The following PITPNM2 variants were observed in gnomAD, a reference collection of about 807,000 sequenced individuals.
PITPNM2 encodes membrane-associated phosphatidylinositol transfer protein 2.
PITPNM2 carries 35 observed loss-of-function variants against 132.2 expected under a neutral mutation model. The observed-to-expected ratio is 0.26, with a 90% CI of 0.20 to 0.35. The LOEUF (loss-of-function observed/expected upper bound fraction) is 0.35, where lower values mean the gene tolerates loss of function less well. Among genes scored for constraint, PITPNM2 ranks in the 10% least tolerant of loss-of-function variants. The probability of loss-of-function intolerance (pLI) is 1.00; values close to 1 mark genes in which losing one functional copy is unlikely to be tolerated. For missense variants in PITPNM2, 1,332 were observed against 1,912.0 expected (o/e 0.70, Z 5.66); for synonymous variants, 738 against 799.2 (o/e 0.92, Z 1.29).
chr12:123,104,140 A>C (rs980801621), intron 2 of PITPNM2, among the ~76,000 whole-genome samples: 1 of 152,158 alleles, frequency 6.6e-6, no homozygotes, highest in Admixed American at 6.5e-5. Context: ...ATCAGGCTGA[A>C]GCCTGGTCTC....
intron 2 of PITPNM2, among the ~76,000 whole-genome samples, chr12:123,062,433 G>A (rs1368581107): frequency 6.6e-6 from 1 of 152,144 alleles, no homozygotes; most frequent in African/African-American, 2.4e-5. Context: ...AATCCTGGAG[G>A]TGCCTGTGGA....
chr12:123,123,069 C>G (rs999996223), intron 1 of PITPNM2, among the ~76,000 whole-genome samples: 5 of 152,156 alleles, frequency 3.3e-5, no homozygotes, highest in African/African-American at 9.7e-5. Context: ...GCATGAAAAC[C>G]TACTTATTGA....
At chr12:123,038,505 C>T (rs1339381456) in intron 2 of PITPNM2, among the ~76,000 whole-genome samples, 2 of 152,198 alleles carry the variant, frequency 1.3e-5, no homozygotes, top group African/African-American at 4.8e-5. Context: ...CCATGAGTGT[C>T]ATGAAAACAA....
intron 13 of PITPNM2, among the ~76,000 whole-genome samples, 155 bp downstream of exon 13, chr12:122,996,303 G>A (rs974239500): frequency 6.6e-6 from 1 of 152,194 alleles, no homozygotes; most frequent in Admixed American, 6.5e-5. Flanking sequence ...GCTTAACTGG[G>A]TAGAGTCCAA....
At chr12:123,102,699 T>G (rs1399971578) in intron 2 of PITPNM2, among the ~76,000 whole-genome samples, 1 of 152,176 alleles carries the variant, frequency 6.6e-6, no homozygotes, top group Non-Finnish European at 1.5e-5. Flanking sequence ...AAGCTTGTCA[T>G]TAGAGCAGCC....
chr12:123,072,101 G>A (rs888534156), intron 2 of PITPNM2, among the ~76,000 whole-genome samples: 19 of 152,190 alleles, frequency 1.2e-4, no homozygotes, highest in East Asian at 1.9e-4. Context: ...GTGTGCCCAC[G>A]CCTAGAAAGC....
chr12:123,072,973 G>T (rs2041659689), intron 2 of PITPNM2, among the ~76,000 whole-genome samples: 1 of 152,220 alleles, frequency 6.6e-6, no homozygotes, highest in Non-Finnish European at 1.5e-5. Context: ...GGTGTTTAGG[G>T]AGAGCCCTGC....
chr12:122,997,178 G>T, intron 11 of PITPNM2, 147 bp downstream of exon 11: 1 of 1,259,364 alleles, frequency 7.9e-7, no homozygotes, highest in Non-Finnish European at 1.1e-6. Flanking sequence ...GCGTGTATAC[G>T]TTTGGGCACC....
At chr12:123,138,358 G>A (rs1479037342) in intron 1 of PITPNM2, among the ~76,000 whole-genome samples, 2 of 152,200 alleles carry the variant, frequency 1.3e-5, no homozygotes, top group East Asian at 1.9e-4. Context: ...TGAGGCAAGA[G>A]GATCACTTGA....
chr12:123,059,135 C>T (rs531689737), intron 2 of PITPNM2, among the ~76,000 whole-genome samples: 2 of 152,314 alleles, frequency 1.3e-5, no homozygotes, highest in East Asian at 3.9e-4. Flanking sequence ...GAAGGCCAAC[C>T]AAGGATATCA....
chr12:123,051,864 C>A (rs1237323794), intron 2 of PITPNM2, among the ~76,000 whole-genome samples: 2 of 151,568 alleles, frequency 1.3e-5, no homozygotes, highest in Non-Finnish European at 1.5e-5. Flanking sequence ...TTAGTGGGAA[C>A]CAGCAGGTCA....
At chr12:123,149,904 C>T (rs1341247963) in intron 1 of PITPNM2, 2 of 152,244 alleles carry the variant, frequency 1.3e-5, no homozygotes, top group Admixed American at 6.6e-5. Context: ...AATCCCGACT[C>T]TGGGTGGGGG....
chr12:122,990,790 G>A lies in PITPNM2; in HGVS notation c.2405-81C>T. On this transcript the variant is annotated intron_variant, in intron 16 of 25. Coordinates refer to ENST00000320201, the MANE Select transcript of PITPNM2 (RefSeq NM_020845.3). ...GCAGTGGGGAAGCCAGTGTGCCAGG[G>A]TCCAGTGTGCACCTAGACTGGAGGC... is the stretch of plus-strand genomic sequence containing the variant. 6 of 1,434,800 alleles carry A rather than the reference G, an allele frequency of 4.2e-6. No homozygotes were observed. In the South Asian group the frequency reaches 6.7e-5, roughly 16 times the overall value. The allele number at this position is 1,434,800 out of a possible 1,614,324, so 88.9% of individuals were successfully genotyped here.
chr12:123,005,638 T>A lies in PITPNM2; in HGVS notation c.644-90A>T. ...GGAAGTGTGGGGCCCAGGCAGGGGC[T>A]TTGGGAGGCTGTACCCATGTTGCAG... is the stretch of plus-strand genomic sequence containing the variant. On this transcript the variant is annotated intron_variant, in intron 6 of 25. Transcript: ENST00000320201. This position sits in a 1 kb window ranked among gnomAD's most constrained non-coding sequence, Gnocchi z 6.2. 7.6e-7 allele frequency: 1 copy of A among 1,313,616 alleles called. No homozygotes were observed. Among genetic ancestry groups the A allele is most frequent in the Non-Finnish European group, 1.1e-6 (1 of 950,082 alleles). The allele number at this position is 1,313,616 out of a possible 1,614,324, so 81.4% of individuals were successfully genotyped here. A position where few individuals can be genotyped will look rare whatever the true frequency, so the allele number is the denominator to read the frequency against.
intron 1 of PITPNM2, among the ~76,000 whole-genome samples, chr12:123,123,583 C>A (rs1450357845): frequency 2.0e-5 from 3 of 151,916 alleles, no homozygotes; most frequent in Admixed American, 6.6e-5. Flanking sequence ...TGCTCTCTAG[C>A]CTGGGTAACA....
intron 3 of PITPNM2, chr12:123,021,541 C>G: frequency 1.6e-6 from 1 of 615,194 alleles, no homozygotes; most frequent in Non-Finnish European, 2.0e-6. Flanking sequence ...TCTCAAAATG[C>G]TGGGATTACA....
rs2039103496 is a variant in PITPNM2, at chr12:123,009,777, C to T, written c.643+73G>A. 2.2e-6 allele frequency: 3 copies of T among 1,370,332 alleles called. No homozygotes were observed. Among genetic ancestry groups the T allele is most frequent in the Non-Finnish European group, 3.1e-6 (3 of 964,586 alleles). The allele number at this position is 1,370,332 out of a possible 1,614,324, so 84.9% of individuals were successfully genotyped here. A position where few individuals can be genotyped will look rare whatever the true frequency, so the allele number is the denominator to read the frequency against. On this transcript the variant is annotated intron_variant, in intron 6 of 25. Transcript: ENST00000320201. This position sits in a 1 kb window ranked among gnomAD's most constrained non-coding sequence, Gnocchi z 4.8. ...CAGGCAGACATGCAAAGAGAGGAGGCAGACAGGCAGGTGACAGGAGACAGA... is the reference window on the plus strand; with the variant it reads ...CAGGCAGACATGCAAAGAGAGGAGGTAGACAGGCAGGTGACAGGAGACAGA...
chr12:123,144,294 C>T (rs1359301974), intron 1 of PITPNM2, among the ~76,000 whole-genome samples: 1 of 152,190 alleles, frequency 6.6e-6, no homozygotes, highest in Non-Finnish European at 1.5e-5. Flanking sequence ...GAGGTGCAGT[C>T]TAGTTCTTGG....
chr12:122,992,681 G>C lies in PITPNM2; in HGVS notation c.2234-12C>G. The stretch of plus-strand genomic sequence containing the variant: ...CCGCAGCTGGAAAACTGGGGGTGGG[G>C]GTGTTGGCTGCAGAGCTGGGGCTGG... On this transcript the variant is annotated splice_polypyrimidine_tract_variant and intron_variant, in intron 15 of 25. Transcript: ENST00000320201. The surrounding 1 kb of genome is among the most constrained non-coding windows in gnomAD (Gnocchi z 6.5). 6.5e-7 allele frequency: 1 copy of C among 1,548,768 alleles called. No homozygotes were observed. The highest frequency in any genetic ancestry group is 2.3e-5 in the East Asian group (1 of 42,910).
Sources: gnomAD v4.1 joint callset for allele counts (sites outside exome capture counted in the v4.1 genomes callset) on GRCh38, gnomAD v4.1.1 for gene constraint, Gnocchi (gnomAD v3.1) non-coding constraint, MANE v1.5 for transcripts, NCBI Gene and HGNC (gene_info 2026-07-23, HGNC 2026-07-21) for gene names.